KLHL1: variants seen among roughly 807,000 people sequenced by gnomAD.
The protein encoded by KLHL1 is kelch like family member 1, also known as kelch-like protein 1.
In KLHL1, 47 loss-of-function variants were observed where a neutral mutation model predicts 77.7. The observed-to-expected ratio is 0.60, with a 90% confidence interval of 0.48 to 0.77. The LOEUF (loss-of-function observed/expected upper bound fraction) is 0.77. Ranked by LOEUF, KLHL1 falls within the 30% of genes least tolerant of loss-of-function variation. The pLI is 0.00. For synonymous variants in KLHL1, 360 were observed against 325.2 expected (o/e 1.11, Z -1.15); for missense variants, 925 against 910.8 (o/e 1.02, Z -0.20).
chr13:69,737,625 G>A (rs1197971924), intron 8 of KLHL1, among the ~76,000 whole-genome samples: 2 of 152,166 alleles, frequency 1.3e-5, no homozygotes, highest in Non-Finnish European at 1.5e-5. Flanking sequence ...GGGTCAGTTC[G>A]TGGCCAGACT....
At chr13:69,838,955 T>C (rs1165276257) in intron 6 of KLHL1, 21 bp downstream of exon 6, 1 of 1,557,460 alleles carries the variant, frequency 6.4e-7, no homozygotes, top group Non-Finnish European at 8.7e-7. Flanking sequence ...TGTATAGTTA[T>C]ATAAATCCAG....
At chr13:69,842,312 C>T (rs142349296) in intron 5 of KLHL1, among the ~76,000 whole-genome samples, 55 of 151,626 alleles carry the variant, frequency 3.6e-4, no homozygotes, top group South Asian at 2.7e-3. Flanking sequence ...AGGACAAATA[C>T]GCAGAATGTA....
At chr13:70,082,868 T>C (rs959712613) in intron 1 of KLHL1, among the ~76,000 whole-genome samples, 2 of 152,048 alleles carry the variant, frequency 1.3e-5, no homozygotes, top group Non-Finnish European at 2.9e-5. Flanking sequence ...CAAATTAGCA[T>C]AGAAACAGAA....
At chr13:69,991,923 C>T (rs915162580) in intron 1 of KLHL1, among the ~76,000 whole-genome samples, 14 of 152,094 alleles carry the variant, frequency 9.2e-5, no homozygotes, top group African/African-American at 3.4e-4. Flanking sequence ...ACAAAATGTA[C>T]TTTCCATTTT....
At chr13:70,047,014 T>C (rs987257294) in intron 1 of KLHL1, among the ~76,000 whole-genome samples, 1 of 152,122 alleles carries the variant, frequency 6.6e-6, no homozygotes, top group South Asian at 2.1e-4. Flanking sequence ...TGTTGAATAG[T>C]GTGCTCAATA....
chr13:69,738,710 C>T (rs1330216674), intron 8 of KLHL1, among the ~76,000 whole-genome samples: 1 of 151,846 alleles, frequency 6.6e-6, no homozygotes, highest in Admixed American at 6.6e-5. Context: ...AAAAAAATAA[C>T]AAAAAGGAAT....
chr13:69,896,669 A>ATT (rs1881652503), intron 4 of KLHL1, among the ~76,000 whole-genome samples: 6 of 148,420 alleles, frequency 4.0e-5, no homozygotes, highest in African/African-American at 1.6e-4. Context: ...AAAGTATTAA[A>ATT]ATTTTTTTTT....
intron 6 of KLHL1, among the ~76,000 whole-genome samples, chr13:69,806,909 G>C (rs1442503552): frequency 6.6e-6 from 1 of 152,168 alleles, no homozygotes; most frequent in Non-Finnish European, 1.5e-5. Context: ...TAGGGTACTT[G>C]CCACTCTGCT....
intron 8 of KLHL1, among the ~76,000 whole-genome samples, chr13:69,730,428 G>T (rs548057646): frequency 1.3e-5 from 2 of 152,082 alleles, no homozygotes; most frequent in African/African-American, 4.8e-5. Flanking sequence ...TAAATCTATT[G>T]CTGTCAATGT....
At chr13:70,064,762 G>A (rs749094586) in intron 1 of KLHL1, among the ~76,000 whole-genome samples, 3 of 152,088 alleles carry the variant, frequency 2.0e-5, no homozygotes, top group Non-Finnish European at 2.9e-5. Context: ...GATTTGGCTG[G>A]CGATCCACGA....
At chr13:69,959,723 C>T (rs1884007032) in intron 3 of KLHL1, among the ~76,000 whole-genome samples, 1 of 151,744 alleles carries the variant, frequency 6.6e-6, no homozygotes, top group African/African-American at 2.4e-5. Context: ...AGGGAAATAG[C>T]TCCCCTATGC....
At chr13:69,819,095 T>C (rs74090468) in intron 6 of KLHL1, among the ~76,000 whole-genome samples, 2,960 of 152,274 alleles carry the variant, frequency 0.019, 82 homozygotes, top group African/African-American at 0.067. Context: ...GGCTGTTCTT[T>C]AAAAGATCCT....
chr13:69,862,310 G>A (rs747055451), intron 5 of KLHL1, among the ~76,000 whole-genome samples: 13 of 151,954 alleles, frequency 8.6e-5, no homozygotes, highest in Non-Finnish European at 1.5e-4. Flanking sequence ...GAGAGAGAGA[G>A]AGAAGCAAAT....
At chr13:70,001,330 T>G (rs1566488026) in intron 1 of KLHL1, among the ~76,000 whole-genome samples, 1 of 151,080 alleles carries the variant, frequency 6.6e-6, no homozygotes, top group Non-Finnish European at 1.5e-5. Flanking sequence ...TTAAAAACCA[T>G]AGAGGTCATA....
At chr13:69,842,967 T>C (rs1378496761) in intron 5 of KLHL1, among the ~76,000 whole-genome samples, 2 of 151,770 alleles carry the variant, frequency 1.3e-5, no homozygotes, top group Non-Finnish European at 2.9e-5. Context: ...TTCTCACTTT[T>C]ATGTGGGAGT....
At chr13:69,987,845 GAAT>G (rs1430667030) in intron 1 of KLHL1, among the ~76,000 whole-genome samples, 55 of 152,038 alleles carry the variant, frequency 3.6e-4, no homozygotes, top group African/African-American at 1.2e-3. Flanking sequence ...AAAAGTTTCA[GAAT>G]AATGGAACTA....
At chr13:69,952,763 C>T (rs1056052769) in intron 3 of KLHL1, among the ~76,000 whole-genome samples, 2 of 151,202 alleles carry the variant, frequency 1.3e-5, no homozygotes, top group African/African-American at 4.8e-5. Flanking sequence ...TTATAAGTGT[C>T]CTTTCCCAAG....
intron 6 of KLHL1, among the ~76,000 whole-genome samples, chr13:69,810,487 A>C (rs760374947): frequency 2.0e-5 from 3 of 152,064 alleles, no homozygotes; most frequent in Non-Finnish European, 4.4e-5. Context: ...TTAAAAAACA[A>C]ATGAAAATAG....
Position 70,037,402 on chromosome 13 carries a change from T to C in KLHL1, c.498-61600A>G, listed in dbSNP as rs532760986. Among the ~76,000 whole-genome samples, 255 of 152,234 alleles carry C rather than the reference T, an allele frequency of 1.7e-3. 1 individual carries two copies. The highest frequency in any genetic ancestry group is 6.0e-3 in the African/African-American group (249 of 41,584). ...GCTGTTGCAGTTGAGAACTCAATAT[T>C]AGTATTGCAATTCTGGCCTGAACAT... On this transcript the variant is annotated intron_variant, in intron 1 of 10. Coordinates refer to ENST00000377844, the MANE Select transcript of KLHL1 (RefSeq NM_020866.3).
Sources: allele counts gnomAD v4.1 joint callset (sites outside exome capture counted in the v4.1 genomes callset), GRCh38; gene constraint gnomAD v4.1.1; transcripts MANE v1.5; gene names NCBI Gene and HGNC (gene_info 2026-07-23, HGNC 2026-07-21).